Variants in TMEM132D observed in about 807,000 individuals in gnomAD.
TMEM132D encodes mature OL transmembrane protein.
TMEM132D carries 21 observed loss-of-function variants against 62.3 expected under a neutral mutation model. The ratio of observed to expected loss-of-function variants is 0.34; its 90% CI spans 0.24 to 0.49. The LOEUF (loss-of-function observed/expected upper bound fraction) is 0.49. Ranked by LOEUF, TMEM132D falls within the 20% of genes least tolerant of loss-of-function variation. The probability of loss-of-function intolerance (pLI) is 0.99; values close to 1 mark genes in which losing one functional copy is unlikely to be tolerated. For synonymous variants in TMEM132D, 621 were observed against 575.6 expected, an observed-to-expected ratio of 1.08 and a Z score of -1.13; for missense variants, 1,346 against 1,402.8, an observed-to-expected ratio of 0.96 and a Z score of 0.65.
intron 5 of TMEM132D, among the ~76,000 whole-genome samples, chr12:129,139,528 A>G (rs1876677018): frequency 6.6e-6 from 1 of 152,212 alleles, no homozygotes; most frequent in Non-Finnish European, 1.5e-5. Flanking sequence ...TTACCCAACC[A>G]ATTCCACTGG....
intron 2 of TMEM132D, among the ~76,000 whole-genome samples, chr12:129,604,117 G>A (rs1235236581): frequency 3.3e-5 from 5 of 152,100 alleles, no homozygotes; most frequent in Admixed American, 3.3e-4. Flanking sequence ...GTTGAACAAT[G>A]AGAACACATG....
chr12:129,291,483 C>A (rs886713882), intron 4 of TMEM132D, among the ~76,000 whole-genome samples: 2 of 152,286 alleles, frequency 1.3e-5, no homozygotes, highest in Non-Finnish European at 2.9e-5. Context: ...TGAAACTGAG[C>A]TATTAAACTG....
rs766420973 is a variant in TMEM132D, at chr12:129,075,075, T to TGTAA, written c.2116-20_2116-17dup. 1.8e-5 allele frequency: 29 copies of TGTAA among 1,588,306 alleles called. No homozygotes were observed. The highest frequency in any genetic ancestry group is 1.5e-4 in the African/African-American group (11 of 74,174). The stretch of plus-strand genomic sequence containing the variant: ...TGGCTGCTTCCTATGGAGAAAAATA[T>TGTAA]GTAAGTTAATCAAATGGGCCAAAAA... On this transcript the variant is annotated splice_polypyrimidine_tract_variant and intron_variant, in intron 8 of 8. Transcript: ENST00000422113.
At chr12:129,425,406 CTT>C (rs5801854) in intron 3 of TMEM132D, among the ~76,000 whole-genome samples, 1 of 138,950 alleles carries the variant, frequency 7.2e-6, no homozygotes, top group African/African-American at 2.5e-5. Context: ...GATGCTTGCA[CTT>C]TTTTTTTTTT....
intron 1 of TMEM132D, among the ~76,000 whole-genome samples, chr12:129,722,023 A>G (rs1420066294): frequency 1.3e-5 from 2 of 152,238 alleles, no homozygotes; most frequent in East Asian, 3.9e-4. Flanking sequence ...GTCACTTTGC[A>G]GTTCCCTGCC....
At chr12:129,699,762 C>T (rs2137224938) in intron 2 of TMEM132D, 48 bp downstream of exon 2, 1 of 1,590,294 alleles carries the variant, frequency 6.3e-7, no homozygotes. Flanking sequence ...CTGGAAAACA[C>T]CACCTGATCG....
chr12:129,675,042 T>C (rs980172958), intron 2 of TMEM132D, among the ~76,000 whole-genome samples: 4 of 152,312 alleles, frequency 2.6e-5, no homozygotes, highest in Admixed American at 1.3e-4. Flanking sequence ...TGATTGTCTT[T>C]AGAGCCAAAT....
chr12:129,161,017 C>G (rs1877386165), intron 5 of TMEM132D, among the ~76,000 whole-genome samples: 1 of 152,040 alleles, frequency 6.6e-6, no homozygotes, highest in Non-Finnish European at 1.5e-5. Context: ...TGGATTCTGC[C>G]CAGAGCATAC....
chr12:129,747,204 T>TCCCTCCTCCCGCTCCTTCTCCCTCC (rs774135505), intron 1 of TMEM132D, among the ~76,000 whole-genome samples: 1 of 99,156 alleles, frequency 1.0e-5, no homozygotes, highest in African/African-American at 3.2e-5. Context: ...CCTCTCCTTC[T>TCCCTCCTCCCGCTCCTTCTCCCTCC]TACTCCTCCT....
At chr12:129,882,326 A>G (rs1874622673) in intron 1 of TMEM132D, among the ~76,000 whole-genome samples, 1 of 152,180 alleles carries the variant, frequency 6.6e-6, no homozygotes, top group South Asian at 2.1e-4. Flanking sequence ...AAAGAAAACT[A>G]CAGCAAATTT....
intron 2 of TMEM132D, among the ~76,000 whole-genome samples, chr12:129,638,564 AAC>A (rs1388913068): frequency 0.011 from 35 of 3,244 alleles, no homozygotes; most frequent in African/African-American, 0.026. Context: ...TAAATATATA[AAC>A]ATATATAAAT....
At chr12:129,502,624 G>T (rs1306158071) in intron 3 of TMEM132D, among the ~76,000 whole-genome samples, 2 of 151,956 alleles carry the variant, frequency 1.3e-5, no homozygotes, top group East Asian at 3.9e-4. Context: ...CAGGCAGAGA[G>T]CAATGCTATA....
chr12:129,419,997 A>C (rs968829884), intron 3 of TMEM132D, among the ~76,000 whole-genome samples: 2 of 152,180 alleles, frequency 1.3e-5, no homozygotes, highest in African/African-American at 4.8e-5. Flanking sequence ...TCAGAAAATT[A>C]ACATTATTGT....
At position 129,074,913 on chromosome 12, in the gene TMEM132D, A is replaced by G. The variant is rs1398265321; in HGVS notation, c.2262T>C (p.Pro754=). The change falls in exon 9 of 9, where the codon CCT becomes CCC. Residue 754 remains proline, a synonymous_variant. Transcript: ENST00000422113. ...SIHQDPKFKW[P]IIAAETEGQG... Reference sequence around the variant, plus strand: ...GTCCTTCTGTTTCCGCAGCAATGATAGGCCACTTGAATTTGGGGTCTTGGT... The same window carrying G: ...GTCCTTCTGTTTCCGCAGCAATGATGGGCCACTTGAATTTGGGGTCTTGGT... 3.1e-6 allele frequency: 5 copies of G among 1,613,768 alleles called. No individual in the cohort carries two copies. The highest frequency in any genetic ancestry group is 3.4e-6 in the Non-Finnish European group (4 of 1,179,980).
intron 5 of TMEM132D, among the ~76,000 whole-genome samples, chr12:129,103,183 G>A (rs1354809975): frequency 6.6e-6 from 1 of 152,156 alleles, no homozygotes; most frequent in Non-Finnish European, 1.5e-5. Context: ...CCAGGCTGGA[G>A]GAAGAGGAGG....
chr12:129,579,350 A>G (rs1406191557), intron 2 of TMEM132D, among the ~76,000 whole-genome samples: 1 of 152,198 alleles, frequency 6.6e-6, no homozygotes, highest in Admixed American at 6.5e-5. Context: ...AACTAATCAG[A>G]TATACGTATA....
At chr12:129,846,934 C>T (rs116353953) in intron 1 of TMEM132D, among the ~76,000 whole-genome samples, 1,870 of 152,260 alleles carry the variant, frequency 0.012, 39 homozygotes, top group African/African-American at 0.042. Context: ...GCCCCCTCTC[C>T]CTTGGCCTTA....
chr12:129,311,153 G>A (rs1459149047), intron 4 of TMEM132D, among the ~76,000 whole-genome samples: 1 of 121,722 alleles, frequency 8.2e-6, no homozygotes, highest in African/African-American at 3.4e-5. Context: ...AGCCGAGATC[G>A]CGCCACTGCA....
chr12:129,724,872 T>C (rs576391761), intron 1 of TMEM132D, among the ~76,000 whole-genome samples: 1 of 152,264 alleles, frequency 6.6e-6, no homozygotes, highest in East Asian at 1.9e-4. Context: ...ACAGCGGCAA[T>C]AGGAAATTAT....
Sources: allele counts gnomAD v4.1 joint callset (sites outside exome capture counted in the v4.1 genomes callset), GRCh38; gene constraint gnomAD v4.1.1; transcripts MANE v1.5; gene names NCBI Gene and HGNC (gene_info 2026-07-23, HGNC 2026-07-21).